FAM234A: variants seen among roughly 807,000 people sequenced by gnomAD.
The protein encoded by FAM234A is family with sequence similarity 234 member A.
A neutral mutation model predicts 49.1 loss-of-function variants in FAM234A; 42 were observed. The observed-to-expected ratio is 0.86, with a 90% CI of 0.67 to 1.11. The LOEUF is 1.11. Among genes scored for constraint, FAM234A ranks in the 50% least tolerant of loss-of-function variants. The probability of loss-of-function intolerance (pLI) is 0.00; values close to 1 mark genes in which losing one functional copy is unlikely to be tolerated. For synonymous variants in FAM234A, 369 were observed against 316.2 expected, an observed-to-expected ratio of 1.17 and a Z score of -1.77; for missense variants, 815 against 745.2, an observed-to-expected ratio of 1.09 and a Z score of -1.09.
At chr16:269,131 G>C (rs1394082748), downstream of FAM234A, 5 of 902,866 alleles carry the variant, frequency 5.5e-6, no homozygotes, top group Non-Finnish European at 8.9e-6. Context: ...CCCCACAGAA[G>C]ACTGGGCCCC....
intron 1 of FAM234A, among the ~76,000 whole-genome samples, chr16:244,430 T>C (rs1293374670): frequency 6.6e-6 from 1 of 152,108 alleles, no homozygotes; most frequent in Non-Finnish European, 1.5e-5. Context: ...CTAAAAGGAC[T>C]CCTGCCTTTG....
chr16:263,510 G>C (rs552625943), intron 9 of FAM234A, 108 bp downstream of exon 9: 2 of 1,459,882 alleles, frequency 1.4e-6, no homozygotes, highest in Non-Finnish European at 1.9e-6. Context: ...GCCGGAGGCC[G>C]TGTGCTGCTG....
Position 254,882 on chromosome 16 carries a change from T to G in FAM234A, c.268+201T>G, listed in dbSNP as rs376411634. 5.9e-5 allele frequency among the ~76,000 whole-genome samples: 9 copies of G among 152,254 alleles called. No homozygotes were observed. The East Asian group carries it at 1.5e-3, about 26-fold the overall frequency. ...CAGCCTTTTTATTTTTGAGATGGAG[T>G]TTCGCTCTTGTTGCCCAGGCTGGAG... On this transcript the variant is annotated intron_variant, in intron 3 of 12. Coordinates refer to ENST00000399932, the MANE Select transcript of FAM234A (RefSeq NM_032039.4).
chr16:242,867 C>A (rs1449696145), intron 1 of FAM234A, among the ~76,000 whole-genome samples: 2 of 152,204 alleles, frequency 1.3e-5, no homozygotes, highest in Non-Finnish European at 2.9e-5. Flanking sequence ...CCACCTCAGC[C>A]TCCCAAAGTG....
chr16:269,503 C>T (rs148909526), downstream of FAM234A: 1,298 of 1,612,920 alleles, frequency 8.0e-4, 6 homozygotes, highest in African/African-American at 7.8e-3. Context: ...CTGGGCTCAC[C>T]GTCTCTTCAT....
intron 1 of FAM234A, among the ~76,000 whole-genome samples, chr16:247,388 C>T (rs1311415957): frequency 1.3e-5 from 2 of 151,482 alleles, no homozygotes; most frequent in Non-Finnish European, 2.9e-5. Context: ...CTCGGCCTGG[C>T]AAAGTGCTGG....
chr16:252,478 G>A (rs1425324988), intron 2 of FAM234A, among the ~76,000 whole-genome samples: 1 of 152,094 alleles, frequency 6.6e-6, no homozygotes, highest in East Asian at 1.9e-4. Context: ...CACCGTGCCC[G>A]GCCGGAAAGT....
At chr16:247,380 C>T (rs751776909) in intron 1 of FAM234A, among the ~76,000 whole-genome samples, 3 of 151,908 alleles carry the variant, frequency 2.0e-5, no homozygotes, top group Middle Eastern at 3.4e-3. Context: ...CCATGCGCCT[C>T]GGCCTGGCAA....
chr16:263,625 G>A (rs535453437), intron 9 of FAM234A, 75 bp from the exon 10 acceptor site: 18 of 1,325,070 alleles, frequency 1.4e-5, no homozygotes, highest in Admixed American at 1.2e-4. Flanking sequence ...AGGGGCGGAC[G>A]TGTTCCTGGG....
At position 234,870 on chromosome 16, in the gene FAM234A, G is replaced by C. The variant is rs1406175310; in HGVS notation, c.-140+13G>C. 6.6e-6 allele frequency: 1 copy of C among 152,316 alleles called. No homozygotes were observed. The highest frequency in any genetic ancestry group is 1.5e-5 in the Non-Finnish European group (1 of 68,158). 9.4% of individuals were successfully genotyped at this position (152,316 alleles called of 1,614,324 possible). On this transcript the variant is annotated intron_variant, in intron 1 of 12. Transcript: ENST00000399932. ...GCCGCGGCGGCAGGTGAGTGAGCGC[G>C]GCCTCGTACTCGCGCGTGCACGCCG...
At chr16:269,462 C>T (rs1317546804), downstream of FAM234A, 5 of 1,604,234 alleles carry the variant, frequency 3.1e-6, no homozygotes, top group Non-Finnish European at 4.3e-6. Context: ...CAGCAGCCCC[C>T]AGGCCACAGC....
At chr16:269,378 AAC>A (rs1453928999), downstream of FAM234A, 1 of 1,602,064 alleles carries the variant, frequency 6.2e-7, no homozygotes, top group East Asian at 2.2e-5. Context: ...CGTAAACGGG[AAC>A]ACGCTGTGGG....
At chr16:259,920 T>C (rs1015135721) in intron 4 of FAM234A, 49 bp from the exon 5 acceptor site, 4 of 1,552,226 alleles carry the variant, frequency 2.6e-6, no homozygotes, top group Non-Finnish European at 2.6e-6. Context: ...CTGGCCGGCC[T>C]GCCTGCCCAG....
downstream of FAM234A, among the ~76,000 whole-genome samples, chr16:267,481 C>G (rs1374275471): frequency 7.0e-6 from 1 of 143,226 alleles, no homozygotes; most frequent in Non-Finnish European, 1.5e-5. Context: ...ATGTGCACAC[C>G]TCATACATGC....
chr16:264,092 C>T lies in FAM234A; in HGVS notation c.1265C>T (p.Ser422Phe). ...CCGAGCCTCCCTGGGGGTCCACTGT[C>T]CGCCAGCCTGCCGACCGCAGACCAC... ...ALPSLPGGPL[S>F]ASLPTADHRS... is the part of the protein sequence containing the mutation. The change falls in exon 11 of 13, where the codon TCC becomes TTC. Residue 422 changes from serine to phenylalanine, a missense_variant. Transcript: ENST00000399932. 1 of 1,612,610 alleles carries T rather than the reference C, an allele frequency of 6.2e-7. No homozygotes were observed. The highest frequency in any genetic ancestry group is 8.5e-7 in the Non-Finnish European group (1 of 1,179,950).
intron 1 of FAM234A, among the ~76,000 whole-genome samples, chr16:238,560 A>AT (rs2050483552): frequency 6.6e-6 from 1 of 151,848 alleles, no homozygotes; most frequent in Admixed American, 6.6e-5. Context: ...AGGTCAGGAG[A>AT]TCGAGACCAT....
At position 265,355 on chromosome 16, in the gene FAM234A, C is replaced by A; in HGVS notation, c.*333C>A. 9.1e-7 allele frequency: 1 copy of A among 1,100,570 alleles called. No individual in the cohort carries two copies. Among genetic ancestry groups the A allele is most frequent in the African/African-American group, 1.6e-5 (1 of 61,432 alleles). 68.2% of individuals were successfully genotyped at this position (1,100,570 alleles called of 1,614,324 possible). Reference sequence around the variant, plus strand: ...GGGCAGAGCTGGGTCATGCAGCACCCCATCCTTACCCGGTGCCCTCTCCTT... The same window carrying A: ...GGGCAGAGCTGGGTCATGCAGCACCACATCCTTACCCGGTGCCCTCTCCTT... On this transcript the variant is annotated 3_prime_UTR_variant, in exon 13 of 13. Transcript: ENST00000399932.
At chr16:241,259 T>G (rs2050601663) in intron 1 of FAM234A, among the ~76,000 whole-genome samples, 1 of 132,552 alleles carries the variant, frequency 7.5e-6, no homozygotes, top group African/African-American at 3.4e-5. Flanking sequence ...GCAGAGGAGG[T>G]CTACACAAAA....
At chr16:252,736 A>G (rs1333729371) in intron 2 of FAM234A, among the ~76,000 whole-genome samples, 1 of 152,198 alleles carries the variant, frequency 6.6e-6, no homozygotes, top group Non-Finnish European at 1.5e-5. Context: ...CTTTTATTAT[A>G]TAATTAGGCA....
Sources: allele counts gnomAD v4.1 joint callset (sites outside exome capture counted in the v4.1 genomes callset), GRCh38; gene constraint gnomAD v4.1.1; transcripts MANE v1.5; gene names NCBI Gene and HGNC (gene_info 2026-07-23, HGNC 2026-07-21).